FGF12: variants seen among roughly 807,000 people sequenced by gnomAD.
FGF12 encodes fibroblast growth factor 12, also known as fibroblast growth factor 12B.
Under a neutral mutation model 23.6 loss-of-function variants are expected in FGF12, and 14 were observed. The ratio of observed to expected loss-of-function variants is 0.59; its 90% CI spans 0.39 to 0.93. The LOEUF (loss-of-function observed/expected upper bound fraction) is 0.93. FGF12 is among the 40% of genes least tolerant of loss of function. The probability of loss-of-function intolerance (pLI) is 0.00; values close to 1 mark genes in which losing one functional copy is unlikely to be tolerated. For synonymous variants in FGF12, 62 were observed against 77.3 expected (o/e 0.80, Z 1.04); for missense variants, 175 against 217.8 (o/e 0.80, Z 1.24).
intron 5 of FGF12, among the ~76,000 whole-genome samples, chr3:192,163,157 C>T (rs1714972945): frequency 6.6e-6 from 1 of 152,102 alleles, no homozygotes; most frequent in African/African-American, 2.4e-5. Flanking sequence ...AGTAGCCATT[C>T]TTCTGTTTCT....
chr3:192,303,212 C>CAA (rs1392389332), intron 4 of FGF12, among the ~76,000 whole-genome samples: 2 of 151,986 alleles, frequency 1.3e-5, no homozygotes, highest in Non-Finnish European at 2.9e-5. Flanking sequence ...AGCCATTACA[C>CAA]AAATTTAAGT....
At chr3:192,530,070 T>C (rs532135216) in intron 2 of FGF12, among the ~76,000 whole-genome samples, 13 of 152,326 alleles carry the variant, frequency 8.5e-5, no homozygotes, top group African/African-American at 2.6e-4. Context: ...ATTCCTCTTA[T>C]TGGATTGTAT....
chr3:192,297,439 T>C (rs1246954795), intron 4 of FGF12, among the ~76,000 whole-genome samples: 1 of 152,168 alleles, frequency 6.6e-6, no homozygotes, highest in African/African-American at 2.4e-5. Flanking sequence ...TTATTTTTAA[T>C]TGCCAATTCA....
intron 4 of FGF12, among the ~76,000 whole-genome samples, chr3:192,231,421 G>T (rs996947973): frequency 2.0e-5 from 3 of 152,128 alleles, no homozygotes; most frequent in Admixed American, 6.6e-5. Flanking sequence ...ATTTAAATTA[G>T]GGCTGTTAAA....
chr3:192,524,557 G>C (rs1724897326), intron 2 of FGF12, among the ~76,000 whole-genome samples: 1 of 152,160 alleles, frequency 6.6e-6, no homozygotes, highest in Non-Finnish European at 1.5e-5. Context: ...AGGCTTGTTG[G>C]ACATGAAGTA....
At chr3:192,415,815 CAG>C (rs1240568880) in intron 2 of FGF12, among the ~76,000 whole-genome samples, 1 of 150,476 alleles carries the variant, frequency 6.6e-6, no homozygotes, top group Non-Finnish European at 1.5e-5. Context: ...ATAAGGCAAA[CAG>C]AGAGCCACAG....
chr3:192,246,320 C>A (rs1187501530), intron 4 of FGF12, among the ~76,000 whole-genome samples: 1 of 152,096 alleles, frequency 6.6e-6, no homozygotes, highest in Non-Finnish European at 1.5e-5. Flanking sequence ...AGAAATTAAT[C>A]TTTAACATAA....
At chr3:192,340,655 A>T (rs762338052) in intron 3 of FGF12, among the ~76,000 whole-genome samples, 4 of 152,162 alleles carry the variant, frequency 2.6e-5, no homozygotes, top group Admixed American at 6.5e-5. Context: ...TCCATAAACC[A>T]AGCTCATTCA....
intron 4 of FGF12, among the ~76,000 whole-genome samples, chr3:192,182,245 T>C (rs1194263274): frequency 6.9e-6 from 1 of 145,576 alleles, no homozygotes; most frequent in Admixed American, 6.9e-5. Flanking sequence ...ATATAAGAAA[T>C]AGACTTTTTT....
At position 192,339,775 on chromosome 3, in the gene FGF12, T is replaced by C. The variant is rs573738715; in HGVS notation, c.125-4311A>G. Among the ~76,000 whole-genome samples, 4 of 152,262 alleles carry C rather than the reference T, an allele frequency of 2.6e-5. No homozygotes were observed. The South Asian group carries it at 8.3e-4, about 32-fold the overall frequency. On this transcript the variant is annotated intron_variant, in intron 3 of 5. Coordinates refer to ENST00000445105, the MANE Select transcript of FGF12 (RefSeq NM_004113.6). ...TATTTCGGTAATGATATTTAGAACA[T>C]GGTTTTAGAGTTCTTTGTTTATATC... is the stretch of plus-strand genomic sequence containing the variant.
chr3:192,510,805 T>C (rs1363894023), intron 2 of FGF12, among the ~76,000 whole-genome samples: 3 of 152,286 alleles, frequency 2.0e-5, no homozygotes, highest in Middle Eastern at 6.8e-3. Flanking sequence ...AGAAATGAGC[T>C]ATTACACCAT....
intron 4 of FGF12, among the ~76,000 whole-genome samples, chr3:192,317,058 AGAGC>A: frequency 6.6e-6 from 1 of 152,108 alleles, no homozygotes. Context: ...AGCTAACTAA[AGAGC>A]CCTTGGATTG....
intron 2 of FGF12, among the ~76,000 whole-genome samples, chr3:192,402,742 T>C (rs1720814589): frequency 6.6e-6 from 1 of 152,188 alleles, no homozygotes; most frequent in Admixed American, 6.5e-5. Context: ...ATTCTATAAA[T>C]CCTGAAGTCA....
intron 2 of FGF12, among the ~76,000 whole-genome samples, chr3:192,660,197 C>A (rs1435504126): frequency 6.6e-6 from 1 of 150,444 alleles, no homozygotes; most frequent in African/African-American, 2.5e-5. Context: ...AGGATGAGTT[C>A]ATGTCCTTTG....
chr3:192,471,400 A>G (rs1309799469), intron 2 of FGF12, among the ~76,000 whole-genome samples: 1 of 152,256 alleles, frequency 6.6e-6, no homozygotes, highest in East Asian at 1.9e-4. Context: ...AGAAATTTGC[A>G]AACAGTGAAA....
chr3:192,710,760 CTTTG>C (rs1718636428), intron 2 of FGF12, among the ~76,000 whole-genome samples: 1 of 152,184 alleles, frequency 6.6e-6, no homozygotes. Context: ...GATATTTATT[CTTTG>C]TAGTGGATAG....
chr3:192,171,913 T>C (rs1198175072), intron 4 of FGF12, among the ~76,000 whole-genome samples: 1 of 152,146 alleles, frequency 6.6e-6, no homozygotes, highest in African/African-American at 2.4e-5. Flanking sequence ...TCCTTTTTTT[T>C]CTTTTTCTTT....
chr3:192,503,750 C>A (rs1356564304), intron 2 of FGF12, among the ~76,000 whole-genome samples: 1 of 151,532 alleles, frequency 6.6e-6, no homozygotes, highest in Non-Finnish European at 1.5e-5. Flanking sequence ...GGACTACAGG[C>A]GCCCGCCACC....
intron 2 of FGF12, among the ~76,000 whole-genome samples, chr3:192,378,024 T>TC (rs1719603944): frequency 5.9e-5 from 5 of 85,118 alleles, no homozygotes; most frequent in African/African-American, 1.5e-4. Context: ...TCTGACTCTT[T>TC]CTTTTCTTTC....
Sources: gnomAD v4.1 joint callset for allele counts (sites outside exome capture counted in the v4.1 genomes callset) on GRCh38, gnomAD v4.1.1 for gene constraint, MANE v1.5 for transcripts, NCBI Gene and HGNC (gene_info 2026-07-23, HGNC 2026-07-21) for gene names.